SLCO1A2: variants seen among roughly 807,000 people sequenced by gnomAD.
SLCO1A2 encodes OATP-1.
Under a neutral mutation model 69.0 loss-of-function variants are expected in SLCO1A2, and 67 were observed. The observed-to-expected ratio is 0.97, with a 90% CI of 0.80 to 1.19. The LOEUF is 1.19. Among genes scored for constraint, SLCO1A2 ranks in the 50% most tolerant of loss-of-function variants. SLCO1A2 has a pLI of 0.00. For synonymous variants in SLCO1A2, 260 were observed against 265.9 expected, an observed-to-expected ratio of 0.98 and a Z score of 0.22; for missense variants, 787 against 793.7, an observed-to-expected ratio of 0.99 and a Z score of 0.10.
At chr12:21,328,422 G>T (rs1257386040) in intron 2 of SLCO1A2, among the ~76,000 whole-genome samples, 1 of 152,098 alleles carries the variant, frequency 6.6e-6, no homozygotes, top group Non-Finnish European at 1.5e-5. Flanking sequence ...GAAGGGGAGG[G>T]AGTCACCTAG....
At chr12:21,338,310 G>C (rs1952955533), upstream of SLCO1A2, among the ~76,000 whole-genome samples, 1 of 151,826 alleles carries the variant, frequency 6.6e-6, no homozygotes, top group African/African-American at 2.4e-5. Flanking sequence ...AGTCTGTTTG[G>C]AGAGAATCCC....
chr12:21,381,033 T>C (rs2137122828), intron 1 of SLCO1A2, among the ~76,000 whole-genome samples: 1 of 152,202 alleles, frequency 6.6e-6, no homozygotes, highest in African/African-American at 2.4e-5. Flanking sequence ...AAACTGATGA[T>C]CGGCAGCTTC....
intron 2 of SLCO1A2, among the ~76,000 whole-genome samples, chr12:21,343,435 GC>G (rs1044616540): frequency 2.0e-5 from 3 of 151,954 alleles, no homozygotes; most frequent in Non-Finnish European, 4.4e-5. Flanking sequence ...TACAAAATTG[GC>G]CCCTTTTTTC....
At chr12:21,382,441 G>A (rs891285755) in intron 1 of SLCO1A2, among the ~76,000 whole-genome samples, 7 of 151,828 alleles carry the variant, frequency 4.6e-5, no homozygotes, top group Non-Finnish European at 7.4e-5. Flanking sequence ...ATAATTCATC[G>A]GTGTAACCAA....
chr12:21,349,421 A>G (rs999933831), intron 2 of SLCO1A2, among the ~76,000 whole-genome samples: 27 of 152,242 alleles, frequency 1.8e-4, no homozygotes, highest in African/African-American at 6.3e-4. Flanking sequence ...GCTTGAGTTA[A>G]ATTTCTATCA....
chr12:21,375,949 C>A (rs1940165016), intron 1 of SLCO1A2, among the ~76,000 whole-genome samples: 1 of 152,096 alleles, frequency 6.6e-6, no homozygotes, highest in Non-Finnish European at 1.5e-5. Context: ...TTTTATTAAC[C>A]ATTTCAGACA....
At chr12:21,278,702 T>C (rs191447810) in intron 12 of SLCO1A2, among the ~76,000 whole-genome samples, 1 of 152,252 alleles carries the variant, frequency 6.6e-6, no homozygotes, top group African/African-American at 2.4e-5. Context: ...TCCTTTTGAA[T>C]ACCTGGAAAG....
At chr12:21,350,431 A>G (rs971509987) in intron 2 of SLCO1A2, among the ~76,000 whole-genome samples, 3 of 152,220 alleles carry the variant, frequency 2.0e-5, no homozygotes, top group Non-Finnish European at 2.9e-5. Context: ...AAGGTAAAAC[A>G]TTATTAATAT....
intron 2 of SLCO1A2, among the ~76,000 whole-genome samples, chr12:21,333,271 G>A (rs1373864770): frequency 2.0e-5 from 3 of 152,192 alleles, no homozygotes; most frequent in East Asian, 3.9e-4. Flanking sequence ...CACATGGGTT[G>A]CCTAACTAGT....
intron 1 of SLCO1A2, among the ~76,000 whole-genome samples, chr12:21,381,834 T>C (rs551720085): frequency 6.6e-6 from 1 of 152,118 alleles, no homozygotes; most frequent in African/African-American, 2.4e-5. Flanking sequence ...ACAATAGATA[T>C]TCGTGTAAAT....
chr12:21,289,327 A>G (rs1946466797), intron 12 of SLCO1A2, among the ~76,000 whole-genome samples: 2 of 151,972 alleles, frequency 1.3e-5, no homozygotes, highest in East Asian at 1.9e-4. Flanking sequence ...ATAGGAATGT[A>G]TTTTGTCATT....
chr12:21,270,066 A>G (rs566711239), intron 14 of SLCO1A2, among the ~76,000 whole-genome samples: 7 of 151,944 alleles, frequency 4.6e-5, no homozygotes, highest in Admixed American at 2.6e-4. Context: ...CTCAAAATGA[A>G]TACTGGTAGT....
intron 12 of SLCO1A2, among the ~76,000 whole-genome samples, chr12:21,279,876 T>A (rs1349033726): frequency 6.6e-6 from 1 of 152,002 alleles, no homozygotes; most frequent in Non-Finnish European, 1.5e-5. Context: ...ATCAAAAATA[T>A]TAACAACTTT....
intron 2 of SLCO1A2, among the ~76,000 whole-genome samples, chr12:21,354,679 T>C (rs1938221085): frequency 1.3e-5 from 2 of 152,192 alleles, no homozygotes; most frequent in South Asian, 2.1e-4. Context: ...AGGGAAACTT[T>C]TACTTTTAAA....
At chr12:21,372,346 T>C (rs1939862518) in intron 2 of SLCO1A2, among the ~76,000 whole-genome samples, 1 of 152,234 alleles carries the variant, frequency 6.6e-6, no homozygotes, top group Admixed American at 6.5e-5. Context: ...GTCATATCTC[T>C]GGTACCTAGA....
chr12:21,366,784 AGTT>A lies in SLCO1A2; in HGVS notation c.-63+7612_-63+7614del, dbSNP rs1481918847. ...TGAAAATTAAAAATATGATTGTAGA[AGTT>A]GTTTTTTTATGGAAAAGTTGGTAGA... On this transcript the variant is annotated intron_variant, in intron 2 of 15. Transcript: ENST00000307378. Among the ~76,000 whole-genome samples the A allele has an allele frequency of 2.0e-5, 3 of 151,950 alleles. No individual in the cohort carries two copies. The East Asian group carries it at 5.8e-4, about 29-fold the overall frequency.
intron 1 of SLCO1A2, among the ~76,000 whole-genome samples, chr12:21,391,165 T>C (rs538065809): frequency 1.3e-5 from 2 of 152,298 alleles, no homozygotes; most frequent in South Asian, 4.1e-4. Context: ...TGAATTTAGA[T>C]ATTAGACAGC....
intron 9 of SLCO1A2, among the ~76,000 whole-genome samples, chr12:21,296,329 T>A (rs1250488232): frequency 6.6e-6 from 1 of 152,110 alleles, no homozygotes; most frequent in Non-Finnish European, 1.5e-5. Context: ...GAGCCTCAGC[T>A]TCCTGGGCTT....
chr12:21,307,918 A>G (rs1949633478), intron 4 of SLCO1A2, among the ~76,000 whole-genome samples: 1 of 152,190 alleles, frequency 6.6e-6, no homozygotes, highest in South Asian at 2.1e-4. Flanking sequence ...ATGCCCAAAG[A>G]GTTTGGCTGT....
Sources: allele counts gnomAD v4.1 joint callset (sites outside exome capture counted in the v4.1 genomes callset), GRCh38; gene constraint gnomAD v4.1.1; transcripts MANE v1.5; gene names NCBI Gene and HGNC (gene_info 2026-07-23, HGNC 2026-07-21).